Variants in PAK5 observed in about 807,000 individuals in gnomAD.
The protein encoded by PAK5 is serine/threonine-protein kinase PAK 5.
PAK5 carries 16 observed loss-of-function variants against 65.9 expected under a neutral mutation model. The ratio of observed to expected loss-of-function variants is 0.24; its 90% CI spans 0.16 to 0.37. The LOEUF (loss-of-function observed/expected upper bound fraction) is 0.37. Among genes scored for constraint, PAK5 ranks in the 10% least tolerant of loss-of-function variants. PAK5 has a pLI of 1.00. For synonymous variants in PAK5, 371 were observed against 354.9 expected (o/e 1.05, Z -0.51); for missense variants, 785 against 903.9 (o/e 0.87, Z 1.69).
chr20:9,833,787 T>C (rs974882956), intron 1 of PAK5, among the ~76,000 whole-genome samples: 4 of 152,214 alleles, frequency 2.6e-5, no homozygotes, highest in Admixed American at 6.5e-5. Flanking sequence ...ATAAGGTATG[T>C]CTTTCTTTGT....
At chr20:9,581,751 C>T (rs925299645) in intron 3 of PAK5, among the ~76,000 whole-genome samples, 11 of 152,168 alleles carry the variant, frequency 7.2e-5, no homozygotes, top group African/African-American at 2.7e-4. Context: ...TCGCAAACCA[C>T]TTACAAAGCC....
chr20:9,642,053 G>A (rs1224924164), intron 3 of PAK5, among the ~76,000 whole-genome samples: 1 of 152,220 alleles, frequency 6.6e-6, no homozygotes, highest in Non-Finnish European at 1.5e-5. Context: ...CAGCGGGGGG[G>A]CTGAAGGGCT....
At chr20:9,615,450 T>C (rs944057280) in intron 3 of PAK5, among the ~76,000 whole-genome samples, 12 of 152,180 alleles carry the variant, frequency 7.9e-5, no homozygotes, top group African/African-American at 2.9e-4. Context: ...CTCTGTACTT[T>C]CCACTTAATT....
At chr20:9,704,589 C>G (rs929617464) in intron 2 of PAK5, among the ~76,000 whole-genome samples, 10 of 152,248 alleles carry the variant, frequency 6.6e-5, no homozygotes, top group African/African-American at 2.2e-4. Context: ...TTCCAAAATC[C>G]TATCTGTAGG....
At chr20:9,769,421 T>C (rs1408422802) in intron 1 of PAK5, among the ~76,000 whole-genome samples, 1 of 152,262 alleles carries the variant, frequency 6.6e-6, no homozygotes, top group Non-Finnish European at 1.5e-5. Context: ...CTCTGTGACA[T>C]GCTCTACCCT....
intron 3 of PAK5, among the ~76,000 whole-genome samples, chr20:9,586,406 A>G (rs546195295): frequency 6.6e-6 from 1 of 152,302 alleles, no homozygotes; most frequent in East Asian, 1.9e-4. Context: ...ACTTTAAACT[A>G]ACACTTCATT....
chr20:9,756,959 T>A (rs978300363), intron 1 of PAK5, among the ~76,000 whole-genome samples: 1 of 152,334 alleles, frequency 6.6e-6, no homozygotes, highest in African/African-American at 2.4e-5. Flanking sequence ...GAAAGAGAGC[T>A]ACTGGTTACA....
intron 1 of PAK5, among the ~76,000 whole-genome samples, chr20:9,788,459 C>T: frequency 6.6e-6 from 1 of 152,048 alleles, no homozygotes; most frequent in East Asian, 1.9e-4. Context: ...CCCTCTTCAA[C>T]TGTATTAAAT....
intron 3 of PAK5, among the ~76,000 whole-genome samples, chr20:9,593,416 C>A (rs6056725): frequency 0.96 from 145,736 of 152,262 alleles, 69,799 homozygotes; most frequent in East Asian, 1. Flanking sequence ...TACCCAGAGA[C>A]ACCTGCAAGT....
At position 9,538,938 on chromosome 20, in the gene PAK5, A is replaced by G. The variant is rs1478720170; in HGVS notation, c.*524T>C. 4.7e-5 allele frequency: 11 copies of G among 233,184 alleles called. No individual in the cohort carries two copies. 14.4% of individuals were successfully genotyped at this position (233,184 alleles called of 1,614,324 possible). On this transcript the variant is annotated 3_prime_UTR_variant, in exon 10 of 10. Transcript: ENST00000353224. ...AGGCTTTGTTCAAACTCCTCTAGTA[A>G]ACAAGTATTACTTCAACTGATACAA... is the stretch of plus-strand genomic sequence containing the variant.
intron 1 of PAK5, among the ~76,000 whole-genome samples, chr20:9,713,502 C>T (rs1028126061): frequency 2.6e-5 from 4 of 152,086 alleles, no homozygotes; most frequent in African/African-American, 7.2e-5. Context: ...ATCCAGCAAT[C>T]CCACTGCTGA....
At chr20:9,729,628 T>C (rs1018988363) in intron 1 of PAK5, among the ~76,000 whole-genome samples, 1 of 152,200 alleles carries the variant, frequency 6.6e-6, no homozygotes, top group African/African-American at 2.4e-5. Context: ...TGATCTTCCC[T>C]GCTTCTACTG....
rs2046649211 is a variant in PAK5, at chr20:9,616,002, A to G, written c.204+28123T>C. On this transcript the variant is annotated intron_variant, in intron 3 of 9. Coordinates refer to ENST00000353224, the MANE Select transcript of PAK5 (RefSeq NM_177990.4). ...TCCTTTTCTAGTGCTGAGAAGCCTCAGAGTAACTTCTTCCCCATTCTTCTG... is the reference window on the plus strand; with the variant it reads ...TCCTTTTCTAGTGCTGAGAAGCCTCGGAGTAACTTCTTCCCCATTCTTCTG... 2.6e-5 allele frequency among the ~76,000 whole-genome samples: 4 copies of G among 152,210 alleles called. No homozygotes were observed. In the South Asian group the frequency reaches 8.3e-4, roughly 32 times the overall value.
chr20:9,669,742 T>C (rs2047468500), intron 2 of PAK5, among the ~76,000 whole-genome samples: 1 of 152,046 alleles, frequency 6.6e-6, no homozygotes, highest in African/African-American at 2.4e-5. Flanking sequence ...CACCTCACTT[T>C]ATTTTTATTT....
chr20:9,759,910 C>A (rs192182488), intron 1 of PAK5, among the ~76,000 whole-genome samples: 59 of 152,128 alleles, frequency 3.9e-4, no homozygotes, highest in African/African-American at 1.3e-3. Flanking sequence ...ATTCAATATC[C>A]GCCTGTCAGC....
chr20:9,812,620 T>C (rs1455397615), intron 1 of PAK5, among the ~76,000 whole-genome samples: 1 of 152,140 alleles, frequency 6.6e-6, no homozygotes. Context: ...TATATGAAAG[T>C]TCATACATAA....
At chr20:9,675,480 A>C (rs1177554492) in intron 2 of PAK5, among the ~76,000 whole-genome samples, 2 of 152,110 alleles carry the variant, frequency 1.3e-5, no homozygotes, top group African/African-American at 4.8e-5. Context: ...AAAACTTAAC[A>C]GGTTAATAAT....
rs11700112 is a variant in PAK5 at position 9,566,371 on chromosome 20, C to T, written c.1004G>A (p.Arg335Gln). 2.2e-4 allele frequency: 359 copies of T among 1,612,664 alleles called. 1 individual carries two copies. The highest frequency in any genetic ancestry group is 2.5e-5 in the Non-Finnish European group (30 of 1,179,610). The change falls in exon 5 of 10, where the codon CGA becomes CAA. Residue 335 changes from arginine to glutamine, a missense_variant. This residue lies in a region of PAK5 where 422 missense variants were observed against 413.3 expected (regional missense o/e 1.02). Transcript: ENST00000353224. Reference sequence around the variant, plus strand: ...TGGAGGGCTGAGGACCATCTGTGCTCGATCGTAATCCACCTGGGAAGACAG... The same window carrying T: ...TGGAGGGCTGAGGACCATCTGTGCTTGATCGTAATCCACCTGGGAAGACAG... ...TMCIPKVDYD[R>Q]AQMVLSPPLS... is the part of the protein sequence containing the mutation.
At chr20:9,694,320 TTGTGTG>T (rs35457999) in intron 2 of PAK5, among the ~76,000 whole-genome samples, 3,832 of 148,746 alleles carry the variant, frequency 0.026, 103 homozygotes, top group African/African-American at 0.068. Flanking sequence ...GTGTGTGTGT[TTGTGTG>T]TGTGTGTGTG....
Sources: gnomAD v4.1 joint callset for allele counts (sites outside exome capture counted in the v4.1 genomes callset) on GRCh38, gnomAD v4.1.1 for gene constraint, gnomAD v4.1.1 regional missense constraint, MANE v1.5 for transcripts, NCBI Gene and HGNC (gene_info 2026-07-23, HGNC 2026-07-21) for gene names.